The following E2F3 variants were observed in gnomAD, a reference collection of about 807,000 sequenced individuals.
The protein encoded by E2F3 is E2F transcription factor 3.
A neutral mutation model predicts 44.4 loss-of-function variants in E2F3; 11 were observed. The ratio of observed to expected loss-of-function variants is 0.25; its 90% CI spans 0.16 to 0.41. E2F3 has a LOEUF of 0.41. E2F3 is among the 10% of genes least tolerant of loss of function. The pLI is 1.00. For synonymous variants in E2F3, 249 were observed against 253.0 expected (o/e 0.98, Z 0.15); for missense variants, 487 against 583.6 (o/e 0.83, Z 1.70).
intron 1 of E2F3, among the ~76,000 whole-genome samples, chr6:20,460,311 AG>A (rs1304265598): frequency 2.0e-5 from 3 of 152,218 alleles, no homozygotes; most frequent in Non-Finnish European, 4.4e-5. Context: ...AGGATGTATT[AG>A]CGTCTTCAGC....
At chr6:20,432,001 C>T (rs947833116) in intron 1 of E2F3, among the ~76,000 whole-genome samples, 1 of 152,240 alleles carries the variant, frequency 6.6e-6, no homozygotes, top group Non-Finnish European at 1.5e-5. Context: ...TCTTTTCCTT[C>T]AGATTGGATT....
At chr6:20,467,865 G>GC (rs1007301729) in intron 1 of E2F3, among the ~76,000 whole-genome samples, 1 of 151,476 alleles carries the variant, frequency 6.6e-6, no homozygotes, top group Non-Finnish European at 1.5e-5. Context: ...AGTGACTGAT[G>GC]CCACTCCATA....
intron 1 of E2F3, among the ~76,000 whole-genome samples, chr6:20,468,279 C>T (rs1217970917): frequency 2.0e-5 from 3 of 152,252 alleles, no homozygotes; most frequent in African/African-American, 7.2e-5. Context: ...GGTTGTTTTA[C>T]CTGTGCCTCT....
chr6:20,444,741 A>G (rs1388228848), intron 1 of E2F3, among the ~76,000 whole-genome samples: 1 of 148,258 alleles, frequency 6.7e-6, no homozygotes, highest in East Asian at 1.9e-4. Flanking sequence ...AAAACACAAC[A>G]ACAACAGAAA....
At chr6:20,411,481 A>G (rs991872799) in intron 1 of E2F3, among the ~76,000 whole-genome samples, 2 of 152,170 alleles carry the variant, frequency 1.3e-5, no homozygotes, top group Non-Finnish European at 2.9e-5. Context: ...GGCTCTTAGA[A>G]GGAAGCAGAC....
chr6:20,481,149 T>C, intron 2 of E2F3, 57 bp from the exon 3 acceptor site: 2 of 1,524,918 alleles, frequency 1.3e-6, no homozygotes, highest in South Asian at 2.3e-5. Flanking sequence ...AAGACACCCT[T>C]CATTTCTTTA....
intron 1 of E2F3, among the ~76,000 whole-genome samples, chr6:20,415,355 C>G (rs1170495278): frequency 1.3e-5 from 2 of 152,210 alleles, no homozygotes; most frequent in African/African-American, 4.8e-5. Flanking sequence ...TAAACTAGAA[C>G]AGGACTTCAG....
intron 1 of E2F3, among the ~76,000 whole-genome samples, chr6:20,436,000 A>T (rs1316914176): frequency 3.5e-5 from 5 of 142,110 alleles, no homozygotes; most frequent in Non-Finnish European, 7.5e-5. Flanking sequence ...TTTTTTTCCA[A>T]GACAGAGTCT....
At chr6:20,459,515 C>T (rs1166325150) in intron 1 of E2F3, among the ~76,000 whole-genome samples, 3 of 152,008 alleles carry the variant, frequency 2.0e-5, no homozygotes, top group African/African-American at 4.8e-5. Context: ...TTGATGTCAC[C>T]GTTTACATTG....
At chr6:20,444,293 A>T (rs1760868494) in intron 1 of E2F3, among the ~76,000 whole-genome samples, 1 of 152,166 alleles carries the variant, frequency 6.6e-6, no homozygotes, top group East Asian at 1.9e-4. Context: ...ACATACCCCT[A>T]TTTATTATAT....
intron 1 of E2F3, among the ~76,000 whole-genome samples, chr6:20,418,894 A>T (rs1010684307): frequency 2.6e-5 from 4 of 151,302 alleles, no homozygotes; most frequent in Non-Finnish European, 4.4e-5. Context: ...TTATTTTTTT[A>T]AAATAAAAAA....
chr6:20,450,980 G>C (rs1292436872), intron 1 of E2F3, among the ~76,000 whole-genome samples: 2 of 152,100 alleles, frequency 1.3e-5, no homozygotes, highest in Non-Finnish European at 2.9e-5. Flanking sequence ...TGTCCCATTG[G>C]TCTATGTGTC....
chr6:20,442,187 T>C (rs993137735), intron 1 of E2F3, among the ~76,000 whole-genome samples: 15 of 152,174 alleles, frequency 9.9e-5, no homozygotes, highest in Admixed American at 9.2e-4. Context: ...GTGCTTTCTC[T>C]GGCTGAGGGA....
chr6:20,434,437 A>G (rs558283347), intron 1 of E2F3, among the ~76,000 whole-genome samples: 1 of 152,336 alleles, frequency 6.6e-6, no homozygotes, highest in African/African-American at 2.4e-5. Flanking sequence ...TTGTGGCATA[A>G]TTCGAGGTAG....
intron 1 of E2F3, among the ~76,000 whole-genome samples, chr6:20,419,550 T>C (rs994107122): frequency 1.4e-5 from 2 of 142,992 alleles, no homozygotes; most frequent in African/African-American, 5.6e-5. Context: ...TATTTATTTA[T>C]TTATTTACTT....
Position 20,428,915 on chromosome 6 carries a change from C to A in E2F3, c.393+26290C>A, listed in dbSNP as rs368068292. 2.6e-3 allele frequency among the ~76,000 whole-genome samples: 400 copies of A among 152,276 alleles called. 3 individuals carry two copies. The highest frequency in any genetic ancestry group is 8.4e-3 in the African/African-American group (348 of 41,556). ...TTCTGGGAACTCAAGACTGTCATTGCCAGGGCAGAGCCAAAACACCAGAGG... is the reference window on the plus strand; with the variant it reads ...TTCTGGGAACTCAAGACTGTCATTGACAGGGCAGAGCCAAAACACCAGAGG... On this transcript the variant is annotated intron_variant, in intron 1 of 6. Coordinates refer to ENST00000346618, the MANE Select transcript of E2F3 (RefSeq NM_001949.5).
rs1379117565 is a variant in E2F3, at chr6:20,492,439, G to A, written c.*2009G>A. 8.6e-6 allele frequency: 2 copies of A among 233,600 alleles called. No individual in the cohort carries two copies. The highest frequency in any genetic ancestry group is 6.0e-5 in the East Asian group (1 of 16,710). The allele number at this position is 233,600 out of a possible 1,614,324, so 14.5% of individuals were successfully genotyped here. A position where few individuals can be genotyped will look rare whatever the true frequency, so the allele number is the denominator to read the frequency against. On this transcript the variant is annotated 3_prime_UTR_variant, in exon 7 of 7. Transcript: ENST00000346618. ...AGCATTGGGGTGGGGGAGGGAGAGG[G>A]AGCTTTGTGTTAAGTGCCTACTGGA... is the stretch of plus-strand genomic sequence containing the variant.
At position 20,446,215 on chromosome 6, in the gene E2F3, T is replaced by C. The variant is rs16883818; in HGVS notation, c.394-33631T>C. Reference sequence around the variant, plus strand: ...TCAAGGACCTGCTGTAGTTACAAATTGGTTATTAGACGGGTTGAAGTCTCT... The same window carrying C: ...TCAAGGACCTGCTGTAGTTACAAATCGGTTATTAGACGGGTTGAAGTCTCT... On this transcript the variant is annotated intron_variant, in intron 1 of 6. Coordinates refer to ENST00000346618, the MANE Select transcript of E2F3 (RefSeq NM_001949.5). 8.7e-3 allele frequency among the ~76,000 whole-genome samples: 1,327 copies of C among 152,272 alleles called. 22 individuals carry two copies. The highest frequency in any genetic ancestry group is 0.03 in the African/African-American group (1,248 of 41,558).
At chr6:20,428,623 A>C (rs761561826) in intron 1 of E2F3, among the ~76,000 whole-genome samples, 2 of 152,214 alleles carry the variant, frequency 1.3e-5, no homozygotes, top group Non-Finnish European at 2.9e-5. Flanking sequence ...GAATGTAGAC[A>C]GGGTCAGAAA....
Sources: allele counts gnomAD v4.1 joint callset (sites outside exome capture counted in the v4.1 genomes callset), GRCh38; gene constraint gnomAD v4.1.1; transcripts MANE v1.5; gene names NCBI Gene and HGNC (gene_info 2026-07-23, HGNC 2026-07-21).